Variants in DAB1 observed in about 807,000 individuals in gnomAD.
DAB1 encodes disabled homolog 1.
Under a neutral mutation model 64.6 loss-of-function variants are expected in DAB1, and 15 were observed. The ratio of observed to expected loss-of-function variants is 0.23; its 90% CI spans 0.16 to 0.36. DAB1 has a LOEUF of 0.36. DAB1 is among the 10% of genes least tolerant of loss of function. DAB1 has a pLI of 1.00. For missense variants in DAB1, 596 were observed against 706.7 expected (o/e 0.84, Z 1.78); for synonymous variants, 235 against 251.9 (o/e 0.93, Z 0.64).
chr1:58,129,320 T>G (rs1653360313), intron 5 of DAB1, among the ~76,000 whole-genome samples: 3 of 150,496 alleles, frequency 2.0e-5, no homozygotes, highest in African/African-American at 7.3e-5. Flanking sequence ...TTATCATTTT[T>G]TATTGTGTCT....
chr1:58,201,909 A>C (rs1454878639), intron 4 of DAB1, among the ~76,000 whole-genome samples: 1 of 152,192 alleles, frequency 6.6e-6, no homozygotes, highest in Non-Finnish European at 1.5e-5. Flanking sequence ...TAGGTAGCAG[A>C]GTATGGCAGT....
At chr1:58,110,643 C>T (rs547859389) in intron 5 of DAB1, among the ~76,000 whole-genome samples, 1 of 152,318 alleles carries the variant, frequency 6.6e-6, no homozygotes, top group South Asian at 2.1e-4. Context: ...TCCTAGAACA[C>T]ACTCTCTTTG....
intron 1 of DAB1, chr1:58,541,622 A>AAAAAAAAAAAAAAAAAAAAAAC (rs1646619199): frequency 1.0e-5 from 1 of 97,092 alleles, no homozygotes; most frequent in African/African-American, 4.2e-5. Flanking sequence ...GTCAAAAAAA[A>AAAAAAAAAAAAAAAAAAAAAAC]AAAAAAAAAA....
At chr1:58,300,645 AG>A (rs775838596) in intron 4 of DAB1, among the ~76,000 whole-genome samples, 1,069 of 55,426 alleles carry the variant, frequency 0.019, 38 homozygotes, top group East Asian at 0.073. Flanking sequence ...AGAGAGAGAG[AG>A]AGGAAGGAAG....
At chr1:58,072,907 C>A (rs1183723818) in intron 5 of DAB1, among the ~76,000 whole-genome samples, 1 of 152,170 alleles carries the variant, frequency 6.6e-6, no homozygotes, top group African/African-American at 2.4e-5. Context: ...GTGTGTGTGT[C>A]CACAACACTG....
chr1:57,907,083 T>A (rs968231431), intron 5 of DAB1, among the ~76,000 whole-genome samples: 2 of 152,234 alleles, frequency 1.3e-5, no homozygotes, highest in African/African-American at 4.8e-5. Context: ...CATTGTTTTA[T>A]AATTACGTCA....
chr1:57,795,001 C>A (rs1020212632), intron 6 of DAB1, among the ~76,000 whole-genome samples: 1 of 152,184 alleles, frequency 6.6e-6, no homozygotes, highest in Non-Finnish European at 1.5e-5. Flanking sequence ...CAGGCTATAA[C>A]CATCCATCCA....
At chr1:57,702,151 G>A (rs1201094209) in intron 6 of DAB1, among the ~76,000 whole-genome samples, 2 of 152,042 alleles carry the variant, frequency 1.3e-5, no homozygotes, top group African/African-American at 2.4e-5. Context: ...TCTTGAATAT[G>A]TTTGCTTAGA....
chr1:58,120,496 G>A (rs1652672448), intron 5 of DAB1, among the ~76,000 whole-genome samples: 1 of 152,072 alleles, frequency 6.6e-6, no homozygotes, highest in African/African-American at 2.4e-5. Flanking sequence ...CTGTACATGG[G>A]AATAATGCTT....
chr1:57,604,726 G>A (rs1482971088), intron 7 of DAB1, among the ~76,000 whole-genome samples: 1 of 152,182 alleles, frequency 6.6e-6, no homozygotes, highest in Non-Finnish European at 1.5e-5. Flanking sequence ...GGGAGACATG[G>A]CCACTCCTCC....
chr1:57,398,587 A>C (rs1558309913), intron 1 of DAB1, among the ~76,000 whole-genome samples: 1 of 152,234 alleles, frequency 6.6e-6, no homozygotes. Context: ...CCCTATCCAG[A>C]AATAGTTCAT....
At chr1:57,912,724 T>A (rs1437825707) in intron 5 of DAB1, among the ~76,000 whole-genome samples, 1 of 152,188 alleles carries the variant, frequency 6.6e-6, no homozygotes, top group Non-Finnish European at 1.5e-5. Flanking sequence ...CTCCTTAAGC[T>A]GATAAGCAAC....
At chr1:58,435,207 G>A (rs1644928288) in intron 3 of DAB1, among the ~76,000 whole-genome samples, 1 of 152,044 alleles carries the variant, frequency 6.6e-6, no homozygotes, top group Non-Finnish European at 1.5e-5. Flanking sequence ...TCTAGCAATG[G>A]CTGCATCCTC....
chr1:57,190,201 C>T (rs1288562791), intron 2 of DAB1, among the ~76,000 whole-genome samples: 1 of 152,144 alleles, frequency 6.6e-6, no homozygotes, highest in Non-Finnish European at 1.5e-5. Flanking sequence ...AGTTTCTAAT[C>T]AGTTTCCACG....
intron 1 of DAB1, among the ~76,000 whole-genome samples, chr1:57,393,975 A>T (rs567826084): frequency 2.6e-5 from 4 of 152,316 alleles, no homozygotes; most frequent in Admixed American, 1.3e-4. Context: ...TGTATCTATA[A>T]TCTAGAACCT....
At chr1:57,372,838 T>C (rs1444137447) in intron 1 of DAB1, among the ~76,000 whole-genome samples, 1 of 152,012 alleles carries the variant, frequency 6.6e-6, no homozygotes, top group Non-Finnish European at 1.5e-5. Context: ...GTATCCACTT[T>C]ACAAGCAAAA....
At chr1:58,493,063 C>G (rs1157839501) in intron 3 of DAB1, among the ~76,000 whole-genome samples, 1 of 152,178 alleles carries the variant, frequency 6.6e-6, no homozygotes, top group East Asian at 1.9e-4. Flanking sequence ...AAAAGCTTAT[C>G]CACCATGATC....
chr1:57,422,025 A>G (rs1044691676), intron 1 of DAB1, among the ~76,000 whole-genome samples: 2 of 151,704 alleles, frequency 1.3e-5, no homozygotes, highest in African/African-American at 2.4e-5. Flanking sequence ...CACAAAAACA[A>G]TGGGTGCTAA....
chr1:58,493,406 G>A (rs1466677826), intron 3 of DAB1, among the ~76,000 whole-genome samples: 1 of 152,116 alleles, frequency 6.6e-6, no homozygotes, highest in Non-Finnish European at 1.5e-5. Flanking sequence ...AGTGTTGGAA[G>A]TTCTGGCCAG....
Sources: gnomAD v4.1 joint callset for allele counts (sites outside exome capture counted in the v4.1 genomes callset) on GRCh38, gnomAD v4.1.1 for gene constraint, MANE v1.5 for transcripts, NCBI Gene and HGNC (gene_info 2026-07-23, HGNC 2026-07-21) for gene names.